The following MEF2A variants were observed in gnomAD, a reference collection of about 807,000 sequenced individuals.
MEF2A encodes myocyte-specific enhancer factor 2A.
A neutral mutation model predicts 55.8 loss-of-function variants in MEF2A; 28 were observed. The ratio of observed to expected loss-of-function variants is 0.50; its 90% CI spans 0.37 to 0.69. The LOEUF (loss-of-function observed/expected upper bound fraction) is 0.69. Ranked by LOEUF, MEF2A falls within the 30% of genes least tolerant of loss-of-function variation. The pLI, the probability that MEF2A is intolerant of heterozygous loss-of-function variation, is 0.00. For synonymous variants in MEF2A, 239 were observed against 227.1 expected (o/e 1.05, Z -0.47); for missense variants, 528 against 626.2 (o/e 0.84, Z 1.67).
intron 6 of MEF2A, 30 bp from the exon 7 acceptor site, chr15:99,675,369 C>T (rs1431907773): frequency 1.3e-6 from 2 of 1,591,144 alleles, no homozygotes; most frequent in South Asian, 2.2e-5. Flanking sequence ...TCATTCTCTG[C>T]CCTCTGTCTT....
At chr15:99,600,123 TATGAGCTAAAGCACTC>T (rs1398889790) in intron 2 of MEF2A, among the ~76,000 whole-genome samples, 3 of 152,186 alleles carry the variant, frequency 2.0e-5, no homozygotes, top group African/African-American at 2.4e-5. Flanking sequence ...AACTGAGTGA[TATGAGCTAAAGCACTC>T]ATGCCCTTAG....
At chr15:99,668,681 A>G (rs143207345) in intron 4 of MEF2A, among the ~76,000 whole-genome samples, 2,131 of 152,248 alleles carry the variant, frequency 0.014, 20 homozygotes, top group South Asian at 0.03. Flanking sequence ...TCATTGAGCA[A>G]GTGTCTTTAT....
At chr15:99,593,746 A>G (rs1391534828) in intron 1 of MEF2A, among the ~76,000 whole-genome samples, 1 of 152,200 alleles carries the variant, frequency 6.6e-6, no homozygotes, top group African/African-American at 2.4e-5. Flanking sequence ...ATTTCATTTA[A>G]CCATTCCTAC....
chr15:99,681,187 C>T (rs149163128), intron 7 of MEF2A, among the ~76,000 whole-genome samples: 22 of 152,174 alleles, frequency 1.4e-4, no homozygotes, highest in African/African-American at 5.1e-4. Flanking sequence ...TGGTACTAGA[C>T]ATAGAAAGGC....
intron 2 of MEF2A, among the ~76,000 whole-genome samples, chr15:99,623,732 A>G (rs1177964710): frequency 6.6e-6 from 1 of 151,234 alleles, no homozygotes; most frequent in Non-Finnish European, 1.5e-5. Flanking sequence ...CCCATTTTTA[A>G]ATTGGGTTAT....
chr15:99,675,495 T>C (rs2051799766), intron 7 of MEF2A, 37 bp downstream of exon 7: 2 of 1,545,160 alleles, frequency 1.3e-6, no homozygotes, highest in South Asian at 2.2e-5. Flanking sequence ...TGTAGGTATC[T>C]ATCCTATATG....
At chr15:99,654,581 A>AAAG in intron 4 of MEF2A, among the ~76,000 whole-genome samples, 1 of 148,522 alleles carries the variant, frequency 6.7e-6, no homozygotes, top group Non-Finnish European at 1.5e-5. Context: ...TTAAAAAAAA[A>AAAG]GGGGGGGGTA....
chr15:99,662,703 C>G (rs1320007633), intron 4 of MEF2A, among the ~76,000 whole-genome samples: 1 of 152,194 alleles, frequency 6.6e-6, no homozygotes, highest in African/African-American at 2.4e-5. Context: ...GTTTCAAACT[C>G]CTGACCTAAA....
chr15:99,586,247 A>G (rs1405501698), intron 1 of MEF2A, among the ~76,000 whole-genome samples: 2 of 152,144 alleles, frequency 1.3e-5, no homozygotes, highest in Non-Finnish European at 2.9e-5. Flanking sequence ...TTCATAAGAA[A>G]CTGTGCAACT....
At chr15:99,568,695 C>T (rs536324691) in intron 1 of MEF2A, among the ~76,000 whole-genome samples, 46 of 152,258 alleles carry the variant, frequency 3.0e-4, no homozygotes, top group Admixed American at 2.6e-3. Flanking sequence ...GTTTGGAAAA[C>T]CATCTTTTTT....
At chr15:99,596,441 T>G (rs180921299) in intron 1 of MEF2A, among the ~76,000 whole-genome samples, 53 of 152,308 alleles carry the variant, frequency 3.5e-4, no homozygotes, top group African/African-American at 1.2e-3. Flanking sequence ...TTTTACAGTT[T>G]GGGTTTTTAA....
chr15:99,606,674 A>G (rs1975248799), intron 2 of MEF2A, among the ~76,000 whole-genome samples: 2 of 152,212 alleles, frequency 1.3e-5, no homozygotes, highest in Admixed American at 6.5e-5. Flanking sequence ...AAAAAAAACT[A>G]GGCTCCACCA....
chr15:99,625,587 T>C (rs1367845129), intron 2 of MEF2A, among the ~76,000 whole-genome samples: 1 of 152,180 alleles, frequency 6.6e-6, no homozygotes, highest in Non-Finnish European at 1.5e-5. Flanking sequence ...TCTTTGATCA[T>C]TGAATATGAA....
intron 4 of MEF2A, chr15:99,657,271 A>G (rs1175486268): frequency 3.3e-5 from 5 of 151,782 alleles, no homozygotes; most frequent in Non-Finnish European, 7.4e-5. Flanking sequence ...TTCTGTGTTT[A>G]ACTTTTTGAG....
chr15:99,682,504 C>A (rs1893926342), intron 7 of MEF2A, among the ~76,000 whole-genome samples: 1 of 152,160 alleles, frequency 6.6e-6, no homozygotes, highest in Admixed American at 6.5e-5. Flanking sequence ...AAAATATCTT[C>A]ATTTTTGTAA....
At chr15:99,653,192 A>G (rs1366884414) in intron 4 of MEF2A, among the ~76,000 whole-genome samples, 2 of 152,332 alleles carry the variant, frequency 1.3e-5, no homozygotes, top group African/African-American at 4.8e-5. Context: ...TGAGATGTAT[A>G]TAGTCTAAAT....
intron 4 of MEF2A, among the ~76,000 whole-genome samples, chr15:99,666,578 TATAATAATA>T (rs55855939): frequency 3.4e-4 from 48 of 141,256 alleles, no homozygotes; most frequent in African/African-American, 8.2e-4. Flanking sequence ...GAACTTAAAG[TATAATAATA>T]ATAATAATAA....
intron 4 of MEF2A, among the ~76,000 whole-genome samples, chr15:99,658,103 A>G (rs1352740201): frequency 1.3e-5 from 2 of 152,206 alleles, no homozygotes; most frequent in Admixed American, 1.3e-4. Flanking sequence ...ACAGCAGGAT[A>G]CAGCAGAAAA....
chr15:99,572,843 T>A (rs1962893905), intron 1 of MEF2A, among the ~76,000 whole-genome samples: 1 of 152,208 alleles, frequency 6.6e-6, no homozygotes, highest in Admixed American at 6.5e-5. Flanking sequence ...AGAATATTAT[T>A]TGATTATTTG....
Sources: allele counts gnomAD v4.1 joint callset (sites outside exome capture counted in the v4.1 genomes callset), GRCh38; gene constraint gnomAD v4.1.1; transcripts MANE v1.5; gene names NCBI Gene and HGNC (gene_info 2026-07-23, HGNC 2026-07-21).